Variants in OVAAL observed in about 807,000 individuals in gnomAD.
OVAAL encodes long intergenic non-protein coding RNA 1131.
chr1:180,560,825 C>T (rs1653188912), intron 1 of OVAAL, among the ~76,000 whole-genome samples: 1 of 152,200 alleles, frequency 6.6e-6, no homozygotes, highest in South Asian at 2.1e-4. Context: ...TAGTTAGTAA[C>T]TTACATAGTA....
exon 2 of OVAAL, chr1:180,562,313 G>C (rs1653218464): frequency 6.6e-6 from 1 of 152,286 alleles, no homozygotes; most frequent in African/African-American, 2.4e-5. Flanking sequence ...TTCTGAACAA[G>C]AACTGTGACT....
chr1:180,563,400 C>T (rs374575527), intron 2 of OVAAL, among the ~76,000 whole-genome samples: 15 of 152,056 alleles, frequency 9.9e-5, no homozygotes, highest in African/African-American at 2.7e-4. Flanking sequence ...TCGTACGGGT[C>T]GGCAGCAACC....
chr1:180,565,518 A>G (rs1387441026), exon 3 of OVAAL: 2 of 152,306 alleles, frequency 1.3e-5, no homozygotes, highest in Admixed American at 6.5e-5. Context: ...AGAAAGGGGT[A>G]GCAGTGGTTT....
At chr1:180,561,907 C>T (rs1653212519) in intron 1 of OVAAL, among the ~76,000 whole-genome samples, 1 of 151,674 alleles carries the variant, frequency 6.6e-6, no homozygotes, top group African/African-American at 2.4e-5. Flanking sequence ...CCTGTAATCC[C>T]AGCTACTTGA....
At chr1:180,563,856 C>A (rs1486235628) in intron 2 of OVAAL, among the ~76,000 whole-genome samples, 1 of 152,148 alleles carries the variant, frequency 6.6e-6, no homozygotes, top group Non-Finnish European at 1.5e-5. Context: ...TTTCAGGTTT[C>A]TTCTATCTAT....
intron 1 of OVAAL, among the ~76,000 whole-genome samples, chr1:180,561,626 C>A (rs1377460873): frequency 6.6e-6 from 1 of 152,136 alleles, no homozygotes; most frequent in East Asian, 1.9e-4. Context: ...CTGTAGGTGC[C>A]CCTAAGGCTC....
chr1:180,564,746 C>T (rs1203794360), intron 2 of OVAAL, among the ~76,000 whole-genome samples: 2 of 152,076 alleles, frequency 1.3e-5, no homozygotes, highest in African/African-American at 2.4e-5. Context: ...GCTCGATGTT[C>T]ACCTTTGCTT....
At chr1:180,561,202 G>A (rs1213050027) in intron 1 of OVAAL, among the ~76,000 whole-genome samples, 1 of 152,170 alleles carries the variant, frequency 6.6e-6, no homozygotes, top group Non-Finnish European at 1.5e-5. Flanking sequence ...CCAGCATACT[G>A]TTGGAAGGGT....
At chr1:180,559,376 G>C (rs1251322250) in intron 1 of OVAAL, among the ~76,000 whole-genome samples, 3 of 152,140 alleles carry the variant, frequency 2.0e-5, no homozygotes, top group Admixed American at 6.5e-5. Context: ...GAACTTATTG[G>C]GAACTGGAGC....
intron 1 of OVAAL, among the ~76,000 whole-genome samples, chr1:180,560,439 G>C (rs971455519): frequency 1.3e-5 from 2 of 152,142 alleles, no homozygotes; most frequent in Non-Finnish European, 2.9e-5. Flanking sequence ...ACAAAGTCTA[G>C]AGTGCACAGG....
At chr1:180,559,732 C>A (rs113805114) in intron 1 of OVAAL, among the ~76,000 whole-genome samples, 25,496 of 151,624 alleles carry the variant, frequency 0.17, 2,227 homozygotes, top group Middle Eastern at 0.21. Context: ...ATGGTGAAAC[C>A]CCGTCTCTAC....
At chr1:180,561,942 G>T (rs1186385226) in intron 1 of OVAAL, among the ~76,000 whole-genome samples, 2 of 151,354 alleles carry the variant, frequency 1.3e-5, no homozygotes, top group Non-Finnish European at 2.9e-5. Flanking sequence ...AGAATTGCTT[G>T]AACTAGGGAT....
intron 2 of OVAAL, among the ~76,000 whole-genome samples, chr1:180,564,654 C>A (rs1259865136): frequency 6.6e-6 from 1 of 152,130 alleles, no homozygotes; most frequent in East Asian, 1.9e-4. Context: ...GACTAGGTCC[C>A]AGTGCTTGGG....
chr1:180,564,546 GC>G (rs901759077), intron 2 of OVAAL, among the ~76,000 whole-genome samples: 1 of 152,086 alleles, frequency 6.6e-6, no homozygotes, highest in Non-Finnish European at 1.5e-5. Flanking sequence ...AGTCTGGTTA[GC>G]AAAAGGAGAA....
intron 1 of OVAAL, among the ~76,000 whole-genome samples, chr1:180,561,539 G>A (rs551730779): frequency 3.3e-5 from 5 of 152,272 alleles, no homozygotes; most frequent in South Asian, 2.1e-4. Flanking sequence ...TTTGCCTGGA[G>A]TGGTTGGGTA....
intron 2 of OVAAL, among the ~76,000 whole-genome samples, chr1:180,562,917 C>G (rs1221128592): frequency 6.6e-6 from 1 of 152,212 alleles, no homozygotes; most frequent in Non-Finnish European, 1.5e-5. Flanking sequence ...TTCCTAGTCA[C>G]AAAGATAAAA....
intron 1 of OVAAL, among the ~76,000 whole-genome samples, chr1:180,560,102 G>A (rs1306400829): frequency 6.6e-5 from 10 of 152,082 alleles, no homozygotes. Context: ...AAAAAAGTGA[G>A]GCTTAGAGAG....
chr1:180,560,636 G>C (rs1653183770), intron 1 of OVAAL, among the ~76,000 whole-genome samples: 1 of 152,114 alleles, frequency 6.6e-6, no homozygotes, highest in East Asian at 1.9e-4. Context: ...GATCTACATA[G>C]TTCACATACA....
At chr1:180,563,363 T>C (rs1453209821) in intron 2 of OVAAL, among the ~76,000 whole-genome samples, 2 of 152,178 alleles carry the variant, frequency 1.3e-5, no homozygotes, top group African/African-American at 4.8e-5. Context: ...TGGGTCACTG[T>C]GAATGGAATT....
Sources: allele counts gnomAD v4.1 joint callset (sites outside exome capture counted in the v4.1 genomes callset), GRCh38; gene constraint gnomAD v4.1.1; transcripts MANE v1.5; gene names NCBI Gene and HGNC (gene_info 2026-07-23, HGNC 2026-07-21).